KCND2: variants seen among roughly 807,000 people sequenced by gnomAD.
KCND2 encodes the protein A-type voltage-gated potassium channel KCND2.
KCND2 carries 16 observed loss-of-function variants against 54.4 expected under a neutral mutation model. The ratio of observed to expected loss-of-function variants is 0.29; its 90% confidence interval spans 0.20 to 0.45. The LOEUF (loss-of-function observed/expected upper bound fraction) is 0.45, where lower values mean the gene tolerates loss of function less well. KCND2 is among the 20% of genes least tolerant of loss of function. KCND2 has a pLI of 1.00. For synonymous variants in KCND2, 317 were observed against 310.7 expected, an observed-to-expected ratio of 1.02 and a Z score of -0.21; for missense variants, 486 against 824.2, an observed-to-expected ratio of 0.59 and a Z score of 5.02.
At position 120,340,182 on chromosome 7, in the gene KCND2, G is replaced by T. The variant is rs1800220940; in HGVS notation, c.1115+64435G>T. Among the ~76,000 whole-genome samples, 8 of 152,284 alleles carry T rather than the reference G, an allele frequency of 5.3e-5. No individual in the cohort carries two copies. The South Asian group carries it at 1.4e-3, about 28-fold the overall frequency. ...AAAAACAGTTTGCACATAGAAGAAAGAAAACCAGTTTAGAAAGGAATATAG... is the reference window on the plus strand; with the variant it reads ...AAAAACAGTTTGCACATAGAAGAAATAAAACCAGTTTAGAAAGGAATATAG... On this transcript the variant is annotated intron_variant, in intron 1 of 5. Transcript: ENST00000331113.
rs190028634 is a variant in KCND2 at position 120,421,800 on chromosome 7, A to C, written c.1115+146053A>C. ...AATCGCTAGGCTAATTACAGCCTAC[A>C]TAGCAAAATAAGGCCCCTCCATCCA... On this transcript the variant is annotated intron_variant, in intron 1 of 5. Transcript: ENST00000331113. 4.6e-5 allele frequency among the ~76,000 whole-genome samples: 7 copies of C among 152,310 alleles called. No individual in the cohort carries two copies. In the East Asian group the frequency reaches 1.4e-3, roughly 29 times the overall value.
chr7:120,733,093 G>A (rs1250681639), intron 2 of KCND2, 28 bp downstream of exon 2: 1 of 1,611,168 alleles, frequency 6.2e-7, no homozygotes, highest in African/African-American at 1.3e-5. Context: ...TGCAACCATG[G>A]TTTAGCACTT....
At chr7:120,737,439 A>G (rs1193250753) in intron 2 of KCND2, among the ~76,000 whole-genome samples, 1 of 151,922 alleles carries the variant, frequency 6.6e-6, no homozygotes, top group Non-Finnish European at 1.5e-5. Context: ...CGCTTCCACC[A>G]TGGAATCCTC....
At chr7:120,367,023 G>C (rs537626510) in intron 1 of KCND2, among the ~76,000 whole-genome samples, 1 of 152,088 alleles carries the variant, frequency 6.6e-6, no homozygotes, top group Non-Finnish European at 1.5e-5. Context: ...AACCACAGGC[G>C]TAGTTACAGT....
At chr7:120,569,503 C>T (rs1346800719) in intron 1 of KCND2, among the ~76,000 whole-genome samples, 1 of 152,108 alleles carries the variant, frequency 6.6e-6, no homozygotes. Context: ...TGCCTATTTA[C>T]AAGCCTGCCT....
intron 1 of KCND2, among the ~76,000 whole-genome samples, chr7:120,606,432 T>C (rs947499402): frequency 1.3e-5 from 2 of 152,178 alleles, no homozygotes; most frequent in African/African-American, 4.8e-5. Context: ...CTTTTGGTGT[T>C]GTATCTAACA....
intron 1 of KCND2, among the ~76,000 whole-genome samples, chr7:120,611,025 C>G (rs1208833185): frequency 6.6e-6 from 1 of 152,142 alleles, no homozygotes; most frequent in Non-Finnish European, 1.5e-5. Context: ...ACTTGTTATC[C>G]AAGTTTTACC....
intron 1 of KCND2, among the ~76,000 whole-genome samples, chr7:120,458,768 T>G (rs2116233395): frequency 6.6e-6 from 1 of 152,102 alleles, no homozygotes; most frequent in East Asian, 1.9e-4. Flanking sequence ...ATCTTTTCTT[T>G]CTCTCATATA....
Position 120,275,291 on chromosome 7 carries a change from C to T in KCND2, c.659C>T (p.Pro220Leu), listed in dbSNP as rs1160936282. Residue 220 changes from proline (P) to leucine (L), a missense_variant, in exon 1 of 6, where the codon CCC (proline) becomes CTC (leucine). Transcript: ENST00000331113. ...AGCCCAGGTCACATTAAAGAACTGC[C>T]CTGTGGAGAGCGGTATGCTGTGGCC... is the stretch of plus-strand genomic sequence containing the variant. The part of the protein sequence containing the change: ...GSSPGHIKEL[P>L]CGERYAVAFF... The T allele has an allele frequency of 1.2e-6, 2 of 1,613,810 alleles. No individual in the cohort carries two copies. Among genetic ancestry groups the T allele is most frequent in the South Asian group, 1.1e-5 (1 of 91,056 alleles).
At chr7:120,561,803 G>C (rs764818439) in intron 1 of KCND2, among the ~76,000 whole-genome samples, 1 of 151,708 alleles carries the variant, frequency 6.6e-6, no homozygotes, top group Non-Finnish European at 1.5e-5. Flanking sequence ...GTAGAGACGG[G>C]GCTTCACCAT....
At chr7:120,454,012 A>G (rs1802158116) in intron 1 of KCND2, among the ~76,000 whole-genome samples, 1 of 152,250 alleles carries the variant, frequency 6.6e-6, no homozygotes, top group African/African-American at 2.4e-5. Flanking sequence ...TGAACCCAGG[A>G]GGCAGAAGTT....
intron 1 of KCND2, among the ~76,000 whole-genome samples, chr7:120,470,172 CA>C (rs1195905465): frequency 6.6e-6 from 1 of 152,008 alleles, no homozygotes; most frequent in Non-Finnish European, 1.5e-5. Flanking sequence ...TCTCATGTTC[CA>C]AGACACACTC....
intron 1 of KCND2, among the ~76,000 whole-genome samples, chr7:120,496,526 G>A (rs1019283184): frequency 2.0e-5 from 3 of 151,948 alleles, no homozygotes; most frequent in Non-Finnish European, 2.9e-5. Flanking sequence ...CCAGTTTCAC[G>A]CCATTCTCCT....
At chr7:120,616,484 A>G (rs1330878606) in intron 1 of KCND2, among the ~76,000 whole-genome samples, 1 of 152,206 alleles carries the variant, frequency 6.6e-6, no homozygotes, top group African/African-American at 2.4e-5. Flanking sequence ...ATCTCCTCAA[A>G]TCATTTCATG....
At chr7:120,306,356 A>C (rs1013248800) in intron 1 of KCND2, among the ~76,000 whole-genome samples, 12 of 152,026 alleles carry the variant, frequency 7.9e-5, no homozygotes, top group African/African-American at 2.9e-4. Context: ...TTTTTGAACA[A>C]TGGTTTAGAC....
At chr7:120,629,957 T>C (rs1157898103) in intron 1 of KCND2, among the ~76,000 whole-genome samples, 4 of 152,156 alleles carry the variant, frequency 2.6e-5, no homozygotes, top group Non-Finnish European at 5.9e-5. Flanking sequence ...CTGTTGGCTA[T>C]ACTAGCCTGG....
At chr7:120,602,935 A>G (rs1584849910) in intron 1 of KCND2, among the ~76,000 whole-genome samples, 1 of 152,200 alleles carries the variant, frequency 6.6e-6, no homozygotes, top group Admixed American at 6.5e-5. Flanking sequence ...GTGAGAAGGA[A>G]CTCAACACAA....
intron 1 of KCND2, among the ~76,000 whole-genome samples, chr7:120,521,315 T>A (rs968295668): frequency 7.9e-5 from 12 of 151,150 alleles, no homozygotes; most frequent in Admixed American, 2.6e-4. Context: ...GTCCAATTTT[T>A]AAAAAAAAAA....
intron 1 of KCND2, among the ~76,000 whole-genome samples, chr7:120,720,753 G>A (rs1584895866): frequency 6.6e-6 from 1 of 152,276 alleles, no homozygotes; most frequent in East Asian, 1.9e-4. Flanking sequence ...CGTGCTGGTG[G>A]CAGCTTCCTG....
Sources: gnomAD v4.1 joint callset for allele counts (sites outside exome capture counted in the v4.1 genomes callset) on GRCh38, gnomAD v4.1.1 for gene constraint, MANE v1.5 for transcripts, NCBI Gene and HGNC (gene_info 2026-07-23, HGNC 2026-07-21) for gene names.